The following CCDC149 variants were observed in gnomAD, a reference collection of about 807,000 sequenced individuals.
CCDC149 encodes the protein coiled-coil domain-containing protein 149.
In CCDC149, 45 loss-of-function variants were observed where a neutral mutation model predicts 59.9. The ratio of observed to expected loss-of-function variants is 0.75; its 90% CI spans 0.59 to 0.96. The LOEUF (loss-of-function observed/expected upper bound fraction) is 0.96, where lower values mean the gene tolerates loss of function less well. Among genes scored for constraint, CCDC149 ranks in the 40% least tolerant of loss-of-function variants. The pLI is 0.00. For synonymous variants in CCDC149, 245 were observed against 260.6 expected, an observed-to-expected ratio of 0.94 and a Z score of 0.58; for missense variants, 584 against 664.7, an observed-to-expected ratio of 0.88 and a Z score of 1.33.
intron 1 of CCDC149, among the ~76,000 whole-genome samples, chr4:24,956,594 G>A (rs996876762): frequency 2.0e-5 from 3 of 152,110 alleles, no homozygotes; most frequent in South Asian, 2.1e-4. Flanking sequence ...CCCAGTGAGC[G>A]AGAAGTACTA....
intron 3 of CCDC149, among the ~76,000 whole-genome samples, chr4:24,868,692 T>C (rs1002540939): frequency 6.6e-6 from 1 of 152,126 alleles, no homozygotes; most frequent in Admixed American, 6.5e-5. Context: ...GAAGGGACGG[T>C]CACTTTTGCT....
chr4:24,936,032 T>C (rs1639495676), intron 1 of CCDC149, among the ~76,000 whole-genome samples: 1 of 152,124 alleles, frequency 6.6e-6, no homozygotes, highest in African/African-American at 2.4e-5. Flanking sequence ...AAAGAGGCAA[T>C]GCTCACCCAA....
chr4:24,891,905 G>A (rs1040435900), intron 1 of CCDC149, among the ~76,000 whole-genome samples: 1 of 151,946 alleles, frequency 6.6e-6, no homozygotes, highest in African/African-American at 2.4e-5. Context: ...AGGCTGAGGT[G>A]GGAGGATCCC....
chr4:24,974,208 T>G (rs1467971600), intron 1 of CCDC149, among the ~76,000 whole-genome samples: 1 of 152,096 alleles, frequency 6.6e-6, no homozygotes, highest in Non-Finnish European at 1.5e-5. Context: ...TCCCCACCAA[T>G]CAGCCATCTG....
At chr4:24,960,931 A>G (rs1723618313) in intron 1 of CCDC149, among the ~76,000 whole-genome samples, 1 of 152,228 alleles carries the variant, frequency 6.6e-6, no homozygotes. Flanking sequence ...TAGAATTACC[A>G]ATTATCCAAG....
intron 1 of CCDC149, among the ~76,000 whole-genome samples, chr4:24,888,271 C>T (rs1187597392): frequency 1.3e-5 from 2 of 152,036 alleles, no homozygotes; most frequent in African/African-American, 4.8e-5. Flanking sequence ...TGAATATATA[C>T]ATAGATATAT....
At chr4:24,962,360 G>A (rs901119584) in intron 1 of CCDC149, among the ~76,000 whole-genome samples, 1 of 152,138 alleles carries the variant, frequency 6.6e-6, no homozygotes, top group African/African-American at 2.4e-5. Context: ...TACACTGTTG[G>A]TGGGACTGTA....
At chr4:24,819,714 A>C in intron 12 of CCDC149, 145 bp downstream of exon 12, 1 of 706,058 alleles carries the variant, frequency 1.4e-6, no homozygotes, top group South Asian at 1.6e-5. Flanking sequence ...GAACCCACAT[A>C]AGCAACAAGA....
chr4:24,853,165 T>A lies in CCDC149; in HGVS notation c.279A>T (p.Gln93His). 6.2e-7 allele frequency: 1 copy of A among 1,609,224 alleles called. No homozygotes were observed. The highest frequency in any genetic ancestry group is 8.5e-7 in the Non-Finnish European group (1 of 1,175,650). The change falls in exon 4 of 13, where the codon CAA becomes CAT. Residue 93 changes from glutamine to histidine, a missense_variant. By Grantham distance (24) the Gln-to-His change is conservative. Transcript: ENST00000635206. The stretch of plus-strand genomic sequence containing the variant: ...TTCGGTCCTGAGAATCTCTCAATAG[T>A]TGTGCAAGATTAGCCTAGAAATATC...
intron 1 of CCDC149, among the ~76,000 whole-genome samples, chr4:24,909,979 G>A (rs975610322): frequency 1.3e-5 from 2 of 152,164 alleles, no homozygotes; most frequent in South Asian, 4.1e-4. Context: ...GCATGAAAAC[G>A]GACTAATACA....
intron 1 of CCDC149, among the ~76,000 whole-genome samples, chr4:24,944,552 A>T (rs1021421585): frequency 1.9e-4 from 29 of 149,722 alleles, no homozygotes; most frequent in Admixed American, 2.7e-4. Context: ...AGTATAATTT[A>T]AAAAAAAAAG....
rs1037803687 is a variant in CCDC149, at chr4:24,835,029, C to A, written c.739G>T (p.Ala247Ser). The change falls in exon 8 of 13, where the codon GCT (alanine) becomes TCT (serine). Residue 247 changes from alanine (A) to serine (S), a missense_variant. Coordinates refer to ENST00000635206, the MANE Select transcript of CCDC149 (RefSeq NM_001330643.2). ...TTCGAGTTTTTCCGTCTCTCCAGAG[C>A]ATTCTAAAACAGGATTGGGAGAGAA... is the stretch of plus-strand genomic sequence containing the variant. 7.4e-6 allele frequency: 12 copies of A among 1,612,386 alleles called. No homozygotes were observed. Among genetic ancestry groups the A allele is most frequent in the Non-Finnish European group, 9.3e-6 (11 of 1,178,526 alleles).
chr4:24,881,557 T>C (rs755090854), intron 1 of CCDC149, among the ~76,000 whole-genome samples: 48 of 152,144 alleles, frequency 3.2e-4, no homozygotes, highest in Admixed American at 5.2e-4. Context: ...AAAAAAATTA[T>C]TGGTGTGTCA....
intron 1 of CCDC149, among the ~76,000 whole-genome samples, chr4:24,877,821 A>G (rs965364709): frequency 6.6e-6 from 1 of 151,956 alleles, no homozygotes; most frequent in Non-Finnish European, 1.5e-5. Flanking sequence ...AACCACCCTC[A>G]CCTAAGTCTG....
intron 1 of CCDC149, among the ~76,000 whole-genome samples, chr4:24,898,082 A>C (rs188069122): frequency 1.7e-3 from 256 of 152,270 alleles, no homozygotes; most frequent in African/African-American, 5.7e-3. Context: ...GCGCCCCATC[A>C]ATATGATTTT....
At chr4:24,977,095 T>C (rs1010399371) in intron 1 of CCDC149, among the ~76,000 whole-genome samples, 2 of 152,178 alleles carry the variant, frequency 1.3e-5, no homozygotes, top group Admixed American at 6.5e-5. Context: ...CCCCTTTCTT[T>C]GGGGGACCAC....
rs112214894 is a variant in CCDC149 at position 24,932,537 on chromosome 4, A to G, written c.-64-37419T>C. On this transcript the variant is annotated intron_variant, in intron 1 of 12. Transcript: ENST00000389609. ...GCTTAAGAGACTGTTAAATTGAAGT[A>G]AGGAAGTGTGGCTGCTAAGTCTATT... Among the ~76,000 whole-genome samples, 1,247 of 152,254 alleles carry G rather than the reference A, an allele frequency of 8.2e-3. 20 individuals carry two copies. The highest frequency in any genetic ancestry group is 0.027 in the African/African-American group (1,142 of 41,534).
intron 3 of CCDC149, among the ~76,000 whole-genome samples, chr4:24,854,693 C>T (rs879464759): frequency 1.7e-4 from 26 of 152,146 alleles, no homozygotes; most frequent in Non-Finnish European, 3.5e-4. Context: ...AAGAAGATAA[C>T]GATTACATGT....
intron 3 of CCDC149, among the ~76,000 whole-genome samples, chr4:24,863,519 G>A (rs1047983311): frequency 2.6e-5 from 4 of 152,204 alleles, no homozygotes; most frequent in African/African-American, 9.7e-5. Flanking sequence ...AATCTGACAT[G>A]GCTTCTAACC....
Sources: allele counts gnomAD v4.1 joint callset (sites outside exome capture counted in the v4.1 genomes callset), GRCh38; gene constraint gnomAD v4.1.1; transcripts MANE v1.5; gene names NCBI Gene and HGNC (gene_info 2026-07-23, HGNC 2026-07-21).